The following CYP2C19 variants were observed in gnomAD, a reference collection of about 807,000 sequenced individuals.
CYP2C19 encodes cytochrome P450 2C19.
Under a neutral mutation model 40.9 loss-of-function variants are expected in CYP2C19, and 59 were observed. The ratio of observed to expected loss-of-function variants is 1.44; its 90% CI spans 1.17 to 1.79. The LOEUF is 1.79. Ranked by LOEUF, CYP2C19 falls within the 40% of genes most tolerant of loss-of-function variation. The probability of loss-of-function intolerance (pLI) is 0.00; values close to 1 mark genes in which losing one functional copy is unlikely to be tolerated. For synonymous variants in CYP2C19, 253 were observed against 208.7 expected (o/e 1.21, Z -1.83); for missense variants, 754 against 596.9 (o/e 1.26, Z -2.74).
chr10:94,798,992 G>A (rs975657141), intron 5 of CYP2C19, among the ~76,000 whole-genome samples: 2 of 151,754 alleles, frequency 1.3e-5, no homozygotes, highest in Admixed American at 1.3e-4. Flanking sequence ...GGGGCACTTA[G>A]CCCATTTACA....
At chr10:94,807,903 A>G (rs1375754139) in intron 5 of CYP2C19, among the ~76,000 whole-genome samples, 2 of 151,918 alleles carry the variant, frequency 1.3e-5, no homozygotes, top group African/African-American at 2.4e-5. Context: ...TCATTTGTCT[A>G]ATTTTTACTT....
At chr10:94,799,948 A>T (rs1848741204) in intron 5 of CYP2C19, among the ~76,000 whole-genome samples, 1 of 152,122 alleles carries the variant, frequency 6.6e-6, no homozygotes, top group African/African-American at 2.4e-5. Context: ...GCGTTAGAAC[A>T]TGCTCCTTTA....
chr10:94,804,657 CTCTT>C (rs1848809693), intron 5 of CYP2C19, among the ~76,000 whole-genome samples: 1 of 152,170 alleles, frequency 6.6e-6, no homozygotes. Flanking sequence ...AGGGGAGGCT[CTCTT>C]TCACATAACG....
chr10:94,828,995 A>C (rs1268097066), intron 6 of CYP2C19, among the ~76,000 whole-genome samples: 4 of 151,794 alleles, frequency 2.6e-5, no homozygotes, highest in Non-Finnish European at 5.9e-5. Context: ...ATTGGCCCCC[A>C]CTCTCTTCTG....
At chr10:94,795,964 T>C (rs186410134) in intron 5 of CYP2C19, among the ~76,000 whole-genome samples, 2 of 152,212 alleles carry the variant, frequency 1.3e-5, no homozygotes. Context: ...TTCACTCTGA[T>C]GGTAGTTTCT....
intron 6 of CYP2C19, among the ~76,000 whole-genome samples, chr10:94,826,061 C>A (rs1157100452): frequency 4.6e-5 from 7 of 151,358 alleles, no homozygotes; most frequent in Non-Finnish European, 7.4e-5. Context: ...GTTACTGTAG[C>A]CTTGTAGTAT....
At position 94,771,786 on chromosome 10, in the gene CYP2C19, G is replaced by T. The variant is rs1337424467; in HGVS notation, c.169-3272G>T. On this transcript the variant is annotated intron_variant, in intron 1 of 8. Transcript: ENST00000371321. ...TGATGCAGCAGCAGAAACACCTCTTGCCCAAGAACCCAAAACAGTCCCTGG... is the reference window on the plus strand; with the variant it reads ...TGATGCAGCAGCAGAAACACCTCTTTCCCAAGAACCCAAAACAGTCCCTGG... Among the ~76,000 whole-genome samples the T allele has an allele frequency of 2.6e-5, 4 of 152,122 alleles. No individual in the cohort carries two copies. In the East Asian group the frequency reaches 5.8e-4, roughly 22 times the overall value.
rs187517020 is a variant in CYP2C19, at chr10:94,764,817, G to A, written c.168+1944G>A. On this transcript the variant is annotated intron_variant, in intron 1 of 8. Transcript: ENST00000371321. ...TTAAAAATACAGGGCCTGAAGGTGA[G>A]TAATAACAAGATGGCTGCCATGGGA... Among the ~76,000 whole-genome samples, 22 of 152,182 alleles carry A rather than the reference G, an allele frequency of 1.4e-4. No homozygotes were observed. The East Asian group carries it at 4.1e-3, about 28-fold the overall frequency.
chr10:94,799,621 T>C lies in CYP2C19; in HGVS notation c.819+17624T>C, dbSNP rs572295861. 3.3e-5 allele frequency among the ~76,000 whole-genome samples: 5 copies of C among 152,324 alleles called. No individual in the cohort carries two copies. In the South Asian group the frequency reaches 8.3e-4, roughly 25 times the overall value. On this transcript the variant is annotated intron_variant, in intron 5 of 8. Coordinates refer to ENST00000371321, the MANE Select transcript of CYP2C19 (RefSeq NM_000769.4). ...AACTTGGTTCCATTCTCCCTATCAC[T>C]TTCTGGTACACCAATCAAATGTAGA...
intron 5 of CYP2C19, among the ~76,000 whole-genome samples, chr10:94,808,698 G>A (rs1848870442): frequency 6.6e-6 from 1 of 152,070 alleles, no homozygotes; most frequent in African/African-American, 2.4e-5. Flanking sequence ...TTGTCTTTCT[G>A]TTCCTGGTTT....
rs1179234206 is a variant in CYP2C19 at position 94,775,123 on chromosome 10, T to A, written c.234T>A (p.His78Gln). 6.2e-7 allele frequency: 1 copy of A among 1,613,980 alleles called. No homozygotes were observed. The highest frequency in any genetic ancestry group is 2.2e-5 in the East Asian group (1 of 44,900). Reference protein sequence around the residue: ...YFGLERMVVLHGYEVVKEALI... With the variant: ...YFGLERMVVLQGYEVVKEALI... ...GCCTGGAACGCATGGTGGTGCTGCA[T>A]GGATATGAAGTGGTGAAGGAAGCCC... is the stretch of plus-strand genomic sequence containing the variant. Residue 78 changes from histidine to glutamine, a missense_variant, in exon 2 of 9, where the codon CAT (histidine) becomes CAA (glutamine). By Grantham distance (24) the His-to-Gln change is conservative. Coordinates refer to ENST00000371321, the MANE Select transcript of CYP2C19 (RefSeq NM_000769.4).
intron 7 of CYP2C19, 144 bp from the exon 8 acceptor site, chr10:94,849,773 T>C: frequency 2.0e-6 from 2 of 1,011,086 alleles, no homozygotes; most frequent in Non-Finnish European, 3.0e-6. Flanking sequence ...TTACTTCGTC[T>C]ATCTGTCTGG....
intron 5 of CYP2C19, among the ~76,000 whole-genome samples, chr10:94,818,574 G>T (rs1388925720): frequency 1.4e-5 from 2 of 140,012 alleles, no homozygotes; most frequent in African/African-American, 2.7e-5. Context: ...CTTGAGCAGT[G>T]GTTTGTAGTT....
intron 8 of CYP2C19, 145 bp from the exon 9 acceptor site, chr10:94,852,588 C>A: frequency 1.2e-6 from 1 of 809,996 alleles, no homozygotes; most frequent in Non-Finnish European, 1.9e-6. Context: ...ATGCATTCAC[C>A]CAACCACCCA....
intron 8 of CYP2C19, 61 bp downstream of exon 8, chr10:94,850,119 G>C: frequency 6.3e-7 from 1 of 1,575,800 alleles, no homozygotes; most frequent in Non-Finnish European, 8.7e-7. Flanking sequence ...TGATCAGTTG[G>C]AACTTACATG....
intron 6 of CYP2C19, among the ~76,000 whole-genome samples, chr10:94,834,130 T>C (rs1849367077): frequency 6.6e-6 from 1 of 152,158 alleles, no homozygotes; most frequent in Non-Finnish European, 1.5e-5. Flanking sequence ...CATCAAGTCT[T>C]GGGGTTTTCC....
chr10:94,820,393 A>C, intron 5 of CYP2C19, 103 bp from the exon 6 acceptor site: 1 of 1,336,770 alleles, frequency 7.5e-7, no homozygotes, highest in Admixed American at 1.8e-5. Context: ...TATACTTTAC[A>C]GTTTCTATGT....
At chr10:94,845,805 G>A (rs1303804141) in intron 7 of CYP2C19, among the ~76,000 whole-genome samples, 1 of 151,772 alleles carries the variant, frequency 6.6e-6, no homozygotes, top group African/African-American at 2.4e-5. Flanking sequence ...CAAAATTGTA[G>A]ACTATTTATA....
At chr10:94,767,710 AC>A (rs1341606045) in intron 1 of CYP2C19, among the ~76,000 whole-genome samples, 1 of 152,102 alleles carries the variant, frequency 6.6e-6, no homozygotes, top group African/African-American at 2.4e-5. Context: ...TGTTTTCAAT[AC>A]CCATATGAAA....
Sources: gnomAD v4.1 joint callset for allele counts (sites outside exome capture counted in the v4.1 genomes callset) on GRCh38, gnomAD v4.1.1 for gene constraint, MANE v1.5 for transcripts, NCBI Gene and HGNC (gene_info 2026-07-23, HGNC 2026-07-21) for gene names.